The following ATXN7L1 variants were observed in gnomAD, a reference collection of about 807,000 sequenced individuals.
ATXN7L1 encodes the protein ataxin-7-like protein 1.
Under a neutral mutation model 70.8 loss-of-function variants are expected in ATXN7L1, and 15 were observed. The ratio of observed to expected loss-of-function variants is 0.21; its 90% CI spans 0.14 to 0.33. The LOEUF (loss-of-function observed/expected upper bound fraction) is 0.33. ATXN7L1 is among the 10% of genes least tolerant of loss of function. The pLI is 1.00. For missense variants in ATXN7L1, 975 were observed against 1,097.1 expected (o/e 0.89, Z 1.57); for synonymous variants, 440 against 445.1 (o/e 0.99, Z 0.14).
In ATXN7L1 at chr7:105,637,581, G is replaced by A. The variant is rs191512987; in HGVS notation, c.1202+772C>T. ...ACATGGAATCTTGCTTATGGAGCGAGCACTCAATAAATATTTTTGAATAAG... is the reference window on the plus strand; with the variant it reads ...ACATGGAATCTTGCTTATGGAGCGAACACTCAATAAATATTTTTGAATAAG... On this transcript the variant is annotated intron_variant, in intron 7 of 11. Transcript: ENST00000419735. 1.2e-3 allele frequency among the ~76,000 whole-genome samples: 185 copies of A among 152,276 alleles called. 1 individual carries two copies. Among genetic ancestry groups the A allele is most frequent in the African/African-American group, 4.3e-3 (177 of 41,550 alleles).
intron 6 of ATXN7L1, among the ~76,000 whole-genome samples, chr7:105,638,899 G>A (rs1201464911): frequency 1.3e-5 from 2 of 152,148 alleles, no homozygotes; most frequent in Admixed American, 6.5e-5. Flanking sequence ...AGGCAACTGC[G>A]AGGGAATGCT....
chr7:105,655,696 T>G (rs1800517908), intron 4 of ATXN7L1, among the ~76,000 whole-genome samples: 1 of 152,106 alleles, frequency 6.6e-6, no homozygotes, highest in South Asian at 2.1e-4. Flanking sequence ...GCCCAGTTTC[T>G]CCCACAGGCA....
intron 3 of ATXN7L1, among the ~76,000 whole-genome samples, chr7:105,775,923 CT>C (rs1480730773): frequency 1.3e-5 from 2 of 152,126 alleles, no homozygotes; most frequent in Non-Finnish European, 2.9e-5. Flanking sequence ...CTATGAGGCT[CT>C]GGGAGGGGGA....
At chr7:105,813,572 G>A (rs1808753424) in intron 2 of ATXN7L1, among the ~76,000 whole-genome samples, 1 of 152,172 alleles carries the variant, frequency 6.6e-6, no homozygotes, top group East Asian at 1.9e-4. Flanking sequence ...CCCGACCTCA[G>A]GTGATCCACC....
At chr7:105,831,172 C>G (rs545492761) in intron 2 of ATXN7L1, among the ~76,000 whole-genome samples, 6 of 152,314 alleles carry the variant, frequency 3.9e-5, no homozygotes, top group Admixed American at 3.9e-4. Context: ...TGTTGGTGAC[C>G]AAGCTCCACC....
chr7:105,827,404 T>C (rs1374174805), intron 2 of ATXN7L1, among the ~76,000 whole-genome samples: 1 of 152,244 alleles, frequency 6.6e-6, no homozygotes, highest in East Asian at 1.9e-4. Flanking sequence ...AGGAGAATAA[T>C]AGCAAATGTT....
chr7:105,669,167 C>T (rs1803129770), intron 3 of ATXN7L1, among the ~76,000 whole-genome samples: 1 of 152,188 alleles, frequency 6.6e-6, no homozygotes, highest in African/African-American at 2.4e-5. Flanking sequence ...ACTGCAACCT[C>T]TGTCTCCAGG....
chr7:105,848,066 G>A (rs1025894123), intron 2 of ATXN7L1, among the ~76,000 whole-genome samples: 6 of 152,104 alleles, frequency 3.9e-5, no homozygotes, highest in African/African-American at 1.2e-4. Flanking sequence ...TGGGAAAAAA[G>A]ATTAATAGGC....
At position 105,659,723 on chromosome 7, in the gene ATXN7L1, GTTC is replaced by G. The variant is rs769274060; in HGVS notation, c.578+5340_578+5342del. 1.1e-3 allele frequency among the ~76,000 whole-genome samples: 172 copies of G among 152,098 alleles called. 1 individual carries two copies. The highest frequency in any genetic ancestry group is 1.3e-3 in the Non-Finnish European group (86 of 67,990). On this transcript the variant is annotated intron_variant, in intron 4 of 11. Coordinates refer to ENST00000419735, the MANE Select transcript of ATXN7L1 (RefSeq NM_020725.2). Reference sequence around the variant, plus strand: ...CTCCATGGCACCACCCTTGGCCTCTGTTCTTCTTCTTCTCACACCATATACCTC... The same window carrying G: ...CTCCATGGCACCACCCTTGGCCTCTGTTCTTCTTCTCACACCATATACCTC...
At chr7:105,768,961 TC>T (rs769065813) in intron 3 of ATXN7L1, among the ~76,000 whole-genome samples, 1 of 152,110 alleles carries the variant, frequency 6.6e-6, no homozygotes. Context: ...GTAAGCCTTT[TC>T]CCCCCCTGGG....
chr7:105,686,244 A>T (rs1806172588), intron 3 of ATXN7L1, among the ~76,000 whole-genome samples: 1 of 152,228 alleles, frequency 6.6e-6, no homozygotes, highest in African/African-American at 2.4e-5. Flanking sequence ...GGCCAGTCAC[A>T]GTGGCTCATG....
intron 4 of ATXN7L1, among the ~76,000 whole-genome samples, chr7:105,644,812 G>T (rs1171409003): frequency 6.6e-6 from 1 of 152,230 alleles, no homozygotes; most frequent in Non-Finnish European, 1.5e-5. Context: ...CCTGAAGAGA[G>T]ATCTGTACAC....
intron 2 of ATXN7L1, among the ~76,000 whole-genome samples, chr7:105,817,488 G>A (rs995013607): frequency 6.6e-5 from 10 of 152,206 alleles, no homozygotes; most frequent in South Asian, 4.1e-4. Flanking sequence ...AAAATACCAC[G>A]AAGAATGTAA....
intron 2 of ATXN7L1, among the ~76,000 whole-genome samples, chr7:105,812,926 T>TGGGAGGTCAA (rs1808637485): frequency 6.6e-6 from 1 of 152,098 alleles, no homozygotes; most frequent in Admixed American, 6.5e-5. Flanking sequence ...TATCTAAGCC[T>TGGGAGGTCAA]GGGAGGTCAA....
intron 3 of ATXN7L1, among the ~76,000 whole-genome samples, chr7:105,710,747 G>A (rs1793804209): frequency 6.6e-6 from 1 of 152,066 alleles, no homozygotes; most frequent in East Asian, 1.9e-4. Context: ...AAACCATCTG[G>A]CCAGTGCCAC....
At chr7:105,864,282 C>T (rs890945529) in intron 2 of ATXN7L1, among the ~76,000 whole-genome samples, 1 of 144,966 alleles carries the variant, frequency 6.9e-6, no homozygotes, top group African/African-American at 2.6e-5. Context: ...ATAGCAAGAC[C>T]TTGTCTCTAC....
At chr7:105,701,022 T>C (rs1011554412) in intron 3 of ATXN7L1, among the ~76,000 whole-genome samples, 7 of 152,210 alleles carry the variant, frequency 4.6e-5, no homozygotes, top group African/African-American at 1.4e-4. Context: ...GTGTACACTT[T>C]AACTGTCATG....
chr7:105,771,497 G>C (rs1486441185), intron 3 of ATXN7L1, among the ~76,000 whole-genome samples: 3 of 152,166 alleles, frequency 2.0e-5, no homozygotes, highest in African/African-American at 7.2e-5. Context: ...ACTTGAGAGA[G>C]AGATTATGAG....
At chr7:105,709,329 T>C (rs1004985549) in intron 3 of ATXN7L1, among the ~76,000 whole-genome samples, 1 of 151,472 alleles carries the variant, frequency 6.6e-6, no homozygotes, top group African/African-American at 2.4e-5. Context: ...AGTGAAACTC[T>C]GTCTCACAAA....
Sources: allele counts gnomAD v4.1 joint callset (sites outside exome capture counted in the v4.1 genomes callset), GRCh38; gene constraint gnomAD v4.1.1; transcripts MANE v1.5; gene names NCBI Gene and HGNC (gene_info 2026-07-23, HGNC 2026-07-21).